MGAT4A: variants seen among roughly 807,000 people sequenced by gnomAD.
The protein encoded by MGAT4A is alpha-1,3-mannosyl-glycoprotein 4-beta-N-acetylglucosaminyltransferase A, also known as N-acetylglucosaminyltransferase IVa.
Under a neutral mutation model 74.1 loss-of-function variants are expected in MGAT4A, and 33 were observed. The ratio of observed to expected loss-of-function variants is 0.45; its 90% CI spans 0.34 to 0.60. MGAT4A has a LOEUF of 0.60. MGAT4A is among the 20% of genes least tolerant of loss of function. The probability of loss-of-function intolerance (pLI) is 0.02; values close to 1 mark genes in which losing one functional copy is unlikely to be tolerated. For synonymous variants in MGAT4A, 198 were observed against 210.4 expected (o/e 0.94, Z 0.51); for missense variants, 479 against 628.3 (o/e 0.76, Z 2.54).
intron 10 of MGAT4A, 63 bp from the exon 11 acceptor site, chr2:98,640,291 A>C: frequency 7.6e-7 from 1 of 1,319,470 alleles, no homozygotes; most frequent in Admixed American, 2.0e-5. Context: ...CCTCACCTGG[A>C]AAATGAGAAG....
chr2:98,687,122 C>A (rs1187339267), intron 2 of MGAT4A, among the ~76,000 whole-genome samples: 1 of 152,116 alleles, frequency 6.6e-6, no homozygotes, highest in Non-Finnish European at 1.5e-5. Flanking sequence ...CTGGGAGACA[C>A]TTCTTCATAA....
intron 2 of MGAT4A, among the ~76,000 whole-genome samples, chr2:98,698,536 T>C (rs935802381): frequency 2.0e-5 from 3 of 152,242 alleles, no homozygotes; most frequent in African/African-American, 4.8e-5. Context: ...GCTCCTTTTA[T>C]TCATCTCCTG....
rs1202719959 is a variant in MGAT4A at position 98,623,605 on chromosome 2, A to C, written c.*1961T>G. 1 of 985,122 alleles carries C rather than the reference A, an allele frequency of 1.0e-6. No homozygotes were observed. Among genetic ancestry groups the C allele is most frequent in the Non-Finnish European group, 1.2e-6 (1 of 829,766 alleles). The allele number at this position is 985,122 out of a possible 1,614,324, so 61.0% of individuals were successfully genotyped here. On this transcript the variant is annotated 3_prime_UTR_variant, in exon 16 of 16. Transcript: ENST00000393487. ...AAAAAATTCAAGAAAGTGAAAAGTA[A>C]ATTTAAAACATCCTAATAAAAAAAT...
chr2:98,635,202 T>C lies in MGAT4A; in HGVS notation c.1468+20A>G. On this transcript the variant is annotated intron_variant, in intron 14 of 15. Transcript: ENST00000393487. ...GTAAGTCCAGAAAAATAAAGGCCAT[T>C]TTACTAAAGTAGATATTACCTATTC... The C allele has an allele frequency of 6.4e-7, 1 of 1,569,006 alleles. No individual in the cohort carries two copies. Among genetic ancestry groups the C allele is most frequent in the African/African-American group, 1.4e-5 (1 of 72,950 alleles).
At position 98,625,134 on chromosome 2, in the gene MGAT4A, T is replaced by A; in HGVS notation, c.*432A>T. ...TCTAATAAATTAATTCCATAACATT[T>A]TTATGTATATTTATATATTTATATA... On this transcript the variant is annotated 3_prime_UTR_variant, in exon 16 of 16. Transcript: ENST00000393487. 3.7e-6 allele frequency: 3 copies of A among 810,070 alleles called. No individual in the cohort carries two copies. Among genetic ancestry groups the A allele is most frequent in the Non-Finnish European group, 3.0e-6 (2 of 670,650 alleles). The allele number at this position is 810,070 out of a possible 1,614,324, so 50.2% of individuals were successfully genotyped here.
intron 2 of MGAT4A, among the ~76,000 whole-genome samples, chr2:98,715,335 A>G (rs1054218641): frequency 4.6e-5 from 7 of 151,624 alleles, no homozygotes; most frequent in Admixed American, 2.6e-4. Context: ...AAAAAAAAAA[A>G]AAAAGAAATG....
chr2:98,677,801 A>ATTTTTT, intron 3 of MGAT4A, among the ~76,000 whole-genome samples: 1 of 121,334 alleles, frequency 8.2e-6, no homozygotes, highest in Non-Finnish European at 1.7e-5. Flanking sequence ...CAGGTAATAA[A>ATTTTTT]TTTTTTTTTT....
chr2:98,625,501 G>A lies in MGAT4A; in HGVS notation c.*65C>T. 1.3e-6 allele frequency: 2 copies of A among 1,588,884 alleles called. No homozygotes were observed. The highest frequency in any genetic ancestry group is 8.5e-7 in the Non-Finnish European group (1 of 1,172,546). ...AGTGTTCAAGTAGAAATAAAAAAAAGATACATGCTTAACTATCTTTAATTA... is the reference window on the plus strand; with the variant it reads ...AGTGTTCAAGTAGAAATAAAAAAAAAATACATGCTTAACTATCTTTAATTA... On this transcript the variant is annotated 3_prime_UTR_variant, in exon 16 of 16. Transcript: ENST00000393487.
At chr2:98,728,462 C>G (rs1333567298) in intron 1 of MGAT4A, among the ~76,000 whole-genome samples, 1 of 152,190 alleles carries the variant, frequency 6.6e-6, no homozygotes, top group East Asian at 1.9e-4. Flanking sequence ...AAAATCTTCA[C>G]AGTGGCCAGG....
chr2:98,644,725 C>G (rs1701460764), intron 9 of MGAT4A, among the ~76,000 whole-genome samples: 1 of 152,098 alleles, frequency 6.6e-6, no homozygotes, highest in Non-Finnish European at 1.5e-5. Context: ...CCTCCACCTC[C>G]CCCGTTCAAG....
At chr2:98,638,688 T>C (rs1023840366) in intron 12 of MGAT4A, among the ~76,000 whole-genome samples, 14 of 152,280 alleles carry the variant, frequency 9.2e-5, no homozygotes, top group Non-Finnish European at 1.5e-4. Flanking sequence ...TTTCTGTATG[T>C]TCTTCCAGTG....
chr2:98,650,527 T>C (rs184809882), intron 8 of MGAT4A, among the ~76,000 whole-genome samples: 1 of 152,296 alleles, frequency 6.6e-6, no homozygotes, highest in African/African-American at 2.4e-5. Context: ...TCTATTAGAT[T>C]ATCAGCAGAT....
In MGAT4A at chr2:98,624,969, T is replaced by G; in HGVS notation, c.*597A>C. On this transcript the variant is annotated 3_prime_UTR_variant, in exon 16 of 16. Transcript: ENST00000393487. ...TAATCAATCTTAAATGGCAGTGCATTTGAAAAATGGCATTGGTTTGTAATG... is the reference window on the plus strand; with the variant it reads ...TAATCAATCTTAAATGGCAGTGCATGTGAAAAATGGCATTGGTTTGTAATG... 1 of 985,474 alleles carries G rather than the reference T, an allele frequency of 1.0e-6. No homozygotes were observed. Among genetic ancestry groups the G allele is most frequent in the South Asian group, 4.7e-5 (1 of 21,278 alleles). The allele number at this position is 985,474 out of a possible 1,614,324, so 61.0% of individuals were successfully genotyped here. A position where few individuals can be genotyped will look rare whatever the true frequency, so the allele number is the denominator to read the frequency against.
At chr2:98,645,379 A>G in intron 9 of MGAT4A, 49 bp downstream of exon 9, 1 of 1,328,046 alleles carries the variant, frequency 7.5e-7, no homozygotes, top group Non-Finnish European at 1.0e-6. Flanking sequence ...TTAGATTCTG[A>G]GAGTCACAGT....
Position 98,624,017 on chromosome 2 carries a change from CTTTT to C in MGAT4A, c.*1545_*1548del. 2.4e-6 allele frequency: 2 copies of C among 839,256 alleles called. No homozygotes were observed. The highest frequency in any genetic ancestry group is 2.9e-6 in the Non-Finnish European group (2 of 699,944). 52.0% of individuals were successfully genotyped at this position (839,256 alleles called of 1,614,324 possible). A position where few individuals can be genotyped will look rare whatever the true frequency, so the allele number is the denominator to read the frequency against. The stretch of plus-strand genomic sequence containing the variant: ...CTGGGAACTGATGTTGATACTTCAT[CTTTT>C]TTTTTTTTTGAGACGGAGTCTAGCT... On this transcript the variant is annotated 3_prime_UTR_variant, in exon 16 of 16. Transcript: ENST00000393487.
chr2:98,700,891 CAA>C (rs199625081), intron 2 of MGAT4A, among the ~76,000 whole-genome samples: 6 of 65,154 alleles, frequency 9.2e-5, no homozygotes, highest in African/African-American at 1.1e-4. Flanking sequence ...GACTCTGTCT[CAA>C]AAAAAAAAAA....
rs1277981150 is a variant in MGAT4A, at chr2:98,698,611, C to T, written c.95-20140G>A. Among the ~76,000 whole-genome samples, 8 of 152,212 alleles carry T rather than the reference C, an allele frequency of 5.3e-5. No homozygotes were observed. The East Asian group carries it at 9.7e-4, about 18-fold the overall frequency. Reference sequence around the variant, plus strand: ...CCCCTTCATTATCCTCTGTACCTTACATTTCTAAATGGAAACCCTTCAATG... The same window carrying T: ...CCCCTTCATTATCCTCTGTACCTTATATTTCTAAATGGAAACCCTTCAATG... On this transcript the variant is annotated intron_variant, in intron 2 of 15. Transcript: ENST00000393487.
At chr2:98,696,747 T>G (rs1047037399) in intron 2 of MGAT4A, among the ~76,000 whole-genome samples, 4 of 152,194 alleles carry the variant, frequency 2.6e-5, no homozygotes, top group African/African-American at 9.7e-5. Flanking sequence ...CAAAAGAGCC[T>G]TGTAAAAATG....
chr2:98,655,741 C>T, intron 7 of MGAT4A: 1 of 407,582 alleles, frequency 2.5e-6, no homozygotes. Context: ...CACTAATTCT[C>T]AAGCTGTCCT....
Sources: allele counts gnomAD v4.1 joint callset (sites outside exome capture counted in the v4.1 genomes callset), GRCh38; gene constraint gnomAD v4.1.1; transcripts MANE v1.5; gene names NCBI Gene and HGNC (gene_info 2026-07-23, HGNC 2026-07-21).